NFIC: variants seen among roughly 807,000 people sequenced by gnomAD.
NFIC encodes nuclear factor 1 C-type.
NFIC carries 12 observed loss-of-function variants against 54.4 expected under a neutral mutation model. The ratio of observed to expected loss-of-function variants is 0.22; its 90% CI spans 0.14 to 0.36. NFIC has a LOEUF of 0.36. NFIC is among the 10% of genes least tolerant of loss of function. NFIC has a pLI of 1.00. For synonymous variants in NFIC, 322 were observed against 319.2 expected, an observed-to-expected ratio of 1.01 and a Z score of -0.09; for missense variants, 575 against 718.2, an observed-to-expected ratio of 0.80 and a Z score of 2.28.
At position 3,416,638 on chromosome 19, in the gene NFIC, C is replaced by T. The variant is rs926202381; in HGVS notation, c.563-8468C>T. Among the ~76,000 whole-genome samples, 9 of 151,536 alleles carry T rather than the reference C, an allele frequency of 5.9e-5. No homozygotes were observed. In the East Asian group the frequency reaches 1.2e-3, roughly 20 times the overall value. ...CCGGGTTCAAGAAGCAATTTTCCTG[C>T]GTCAGCCTCCTGAGTAGCTGGGATT... is the stretch of plus-strand genomic sequence containing the variant. On this transcript the variant is annotated intron_variant, in intron 2 of 10. Transcript: ENST00000443272.
In NFIC at chr19:3,459,515, C is replaced by G. The variant is rs2082610293; in HGVS notation, c.1509+2880C>G. Among the ~76,000 whole-genome samples, 1 of 152,178 alleles carries G rather than the reference C, an allele frequency of 6.6e-6. No homozygotes were observed. Among genetic ancestry groups the G allele is most frequent in the Non-Finnish European group, 1.5e-5 (1 of 68,038 alleles). On this transcript the variant is annotated intron_variant, in intron 10 of 10. Transcript: ENST00000443272. The surrounding 1 kb of genome is among the most constrained non-coding windows in gnomAD (Gnocchi z 4.2). The stretch of plus-strand genomic sequence containing the variant: ...CCGGGAGCCACACAGGCGGCTGCAG[C>G]CAGGCCAGCAGGATACCAGAGCCCA...
chr19:3,436,819 T>A (rs2082210677), intron 6 of NFIC, among the ~76,000 whole-genome samples: 1 of 151,958 alleles, frequency 6.6e-6, no homozygotes, highest in African/African-American at 2.4e-5. Context: ...GATTAAGAGG[T>A]CAGATTCAGG....
At chr19:3,432,921 C>T (rs1006505370) in intron 3 of NFIC, among the ~76,000 whole-genome samples, 2 of 152,068 alleles carry the variant, frequency 1.3e-5, no homozygotes, top group African/African-American at 4.8e-5. Flanking sequence ...CCTCCCGCCT[C>T]GGCCTCCCAA....
chr19:3,359,652 G>C, exon 1 of NFIC: 1 of 1,379,486 alleles, frequency 7.2e-7, no homozygotes, highest in Non-Finnish European at 9.5e-7. Flanking sequence ...CGCTCGCTCC[G>C]GCGCCGGCCT....
At chr19:3,372,418 T>C (rs889157894) in intron 1 of NFIC, among the ~76,000 whole-genome samples, 22 of 151,982 alleles carry the variant, frequency 1.4e-4, no homozygotes, top group African/African-American at 5.1e-4. Flanking sequence ...TGGGGGTGCA[T>C]GGATAAGGGG....
intron 3 of NFIC, among the ~76,000 whole-genome samples, chr19:3,428,967 T>C (rs922860903): frequency 1.3e-5 from 2 of 151,870 alleles, no homozygotes; most frequent in African/African-American, 4.8e-5. Context: ...GCAGGGTTGG[T>C]TCATTGCCTT....
chr19:3,396,953 T>G (rs1305479989), intron 2 of NFIC, among the ~76,000 whole-genome samples: 1 of 151,888 alleles, frequency 6.6e-6, no homozygotes, highest in Non-Finnish European at 1.5e-5. Context: ...AGACTCCATC[T>G]CAAACAAACA....
chr19:3,376,783 C>T (rs557159739), intron 1 of NFIC, among the ~76,000 whole-genome samples: 1 of 152,166 alleles, frequency 6.6e-6, no homozygotes, highest in South Asian at 2.1e-4. Flanking sequence ...GGCTGGAGTG[C>T]AATGGCGCGA....
At position 3,452,612 on chromosome 19, in the gene NFIC, G is replaced by A. The variant is rs368456734; in HGVS notation, c.1215G>A (p.Pro405=). 1.9e-5 allele frequency: 31 copies of A among 1,613,158 alleles called. No homozygotes were observed. Among genetic ancestry groups the A allele is most frequent in the African/African-American group, 1.3e-4 (10 of 74,874 alleles). ...RYPPHLNPQD[P]LKDLVSLACD... ...CACCTCATCTCAACCCCCAGGACCC[G>A]CTCAAAGATCTTGTCTCGCTGGCCT... The change falls in exon 8 of 11, where the codon CCG becomes CCA. Residue 405 remains proline (P), a synonymous_variant. Coordinates refer to ENST00000443272, the MANE Select transcript of NFIC (RefSeq NM_001245002.2). This position sits in a 1 kb window ranked among gnomAD's most constrained non-coding sequence, Gnocchi z 5.3.
intron 10 of NFIC, among the ~76,000 whole-genome samples, chr19:3,460,360 T>C (rs1263940803): frequency 6.6e-6 from 1 of 152,186 alleles, no homozygotes; most frequent in Non-Finnish European, 1.5e-5. Context: ...GTTCCACCTC[T>C]GCCGCTTCCA....
Position 3,433,598 on chromosome 19 carries a change from T to C in NFIC, c.709+6T>C. ...GCTCATCCAAGTGTCCCGGAGTGAG[T>C]GTTCCCGTCAGCCCTGAGCTGGGTC... is the stretch of plus-strand genomic sequence containing the variant. On this transcript the variant is annotated splice_donor_region_variant and intron_variant, in intron 4 of 10. Coordinates refer to ENST00000443272, the MANE Select transcript of NFIC (RefSeq NM_001245002.2). 1 of 1,613,432 alleles carries C rather than the reference T, an allele frequency of 6.2e-7. No homozygotes were observed.
At chr19:3,392,968 T>A (rs551020757) in intron 2 of NFIC, among the ~76,000 whole-genome samples, 19 of 152,036 alleles carry the variant, frequency 1.2e-4, no homozygotes, top group Non-Finnish European at 2.5e-4. Flanking sequence ...GGAGACGGAG[T>A]TTTGCCCTGT....
At chr19:3,423,045 A>G (rs1369099128) in intron 2 of NFIC, among the ~76,000 whole-genome samples, 1 of 152,044 alleles carries the variant, frequency 6.6e-6, no homozygotes, top group Non-Finnish European at 1.5e-5. Flanking sequence ...TAAAAATACA[A>G]AAATTAGCCA....
intron 3 of NFIC, 93 bp from the exon 4 acceptor site, chr19:3,433,425 G>T: frequency 1.5e-6 from 2 of 1,355,216 alleles, no homozygotes; most frequent in East Asian, 2.4e-5. Context: ...GTCCAGGCTC[G>T]GGCCAGCCCC....
intron 1 of NFIC, among the ~76,000 whole-genome samples, chr19:3,361,240 G>C (rs2080807215): frequency 6.6e-6 from 1 of 152,200 alleles, no homozygotes; most frequent in Admixed American, 6.5e-5. Flanking sequence ...TGCCCCGAGA[G>C]GGGCGGGGCG....
At chr19:3,361,972 C>A (rs1233288515), upstream of NFIC, among the ~76,000 whole-genome samples, 5 of 152,166 alleles carry the variant, frequency 3.3e-5, no homozygotes, top group South Asian at 2.1e-4. Flanking sequence ...CACACACAGG[C>A]GTGCACAGAC....
chr19:3,382,273 CA>C (rs2081223738), intron 2 of NFIC, 30 bp downstream of exon 2: 1 of 1,584,890 alleles, frequency 6.3e-7, no homozygotes, highest in Non-Finnish European at 8.5e-7. Flanking sequence ...GCGGAGCGGC[CA>C]GCGGGGAGGG....
intron 2 of NFIC, among the ~76,000 whole-genome samples, chr19:3,391,868 A>G (rs968762194): frequency 6.6e-6 from 1 of 152,094 alleles, no homozygotes; most frequent in Admixed American, 6.6e-5. Flanking sequence ...AACAATAAAT[A>G]AGAAAAATAG....
intron 1 of NFIC, among the ~76,000 whole-genome samples, chr19:3,373,891 C>G (rs1044068952): frequency 1.3e-5 from 2 of 152,084 alleles, no homozygotes; most frequent in African/African-American, 4.8e-5. Flanking sequence ...GGGAGCCGTT[C>G]ACATGTCCAC....
Sources: gnomAD v4.1 joint callset for allele counts (sites outside exome capture counted in the v4.1 genomes callset) on GRCh38, gnomAD v4.1.1 for gene constraint, Gnocchi (gnomAD v3.1) non-coding constraint, MANE v1.5 for transcripts, NCBI Gene and HGNC (gene_info 2026-07-23, HGNC 2026-07-21) for gene names.